Variants in SGCA observed in about 807,000 individuals in gnomAD.
The protein encoded by SGCA is alpha-sarcoglycan.
A neutral mutation model predicts 38.1 loss-of-function variants in SGCA; 34 were observed. That is an observed-to-expected ratio of 0.89 (90% CI 0.68 to 1.19). The LOEUF is 1.19. Ranked by LOEUF, SGCA falls within the 50% of genes most tolerant of loss-of-function variation. The pLI, the probability that SGCA is intolerant of heterozygous loss-of-function variation, is 0.00. For synonymous variants in SGCA, 209 were observed against 214.6 expected, an observed-to-expected ratio of 0.97 and a Z score of 0.23; for missense variants, 476 against 524.9, an observed-to-expected ratio of 0.91 and a Z score of 0.91.
In SGCA at chr17:50,168,455, G is replaced by A. The variant is rs558473298; in HGVS notation, c.467G>A (p.Arg156His). 4.2e-5 allele frequency: 66 copies of A among 1,587,236 alleles called. No individual in the cohort carries two copies. Among genetic ancestry groups the A allele is most frequent in the Non-Finnish European group, 5.1e-5 (60 of 1,166,536 alleles). Reference sequence around the variant, plus strand: ...GTGCTGCCCTCAACACCTGCCAGCCGCTTCCTCTCAGCCTTGGGGGGACTC... The same window carrying A: ...GTGCTGCCCTCAACACCTGCCAGCCACTTCCTCTCAGCCTTGGGGGGACTC... ...EEVLPSTPAS[R>H]FLSALGGLWE... The change falls in exon 5 of 10, where the codon CGC becomes CAC. Residue 156 changes from arginine (R) to histidine (H), a missense_variant. Arg to His is a conservative substitution (Grantham distance 29). Coordinates refer to ENST00000262018, the MANE Select transcript of SGCA (RefSeq NM_000023.4).
chr17:50,170,374 G>A (rs745983208), intron 7 of SGCA, 23 bp downstream of exon 7: 4 of 1,604,968 alleles, frequency 2.5e-6, no homozygotes, highest in Non-Finnish European at 3.4e-6. Flanking sequence ...ATGAAGGGCG[G>A]GGGAGCACCT....
In SGCA at chr17:50,170,330, T is replaced by C. The variant is rs1467762844; in HGVS notation, c.935T>C (p.Met312Thr). 2.5e-6 allele frequency: 4 copies of C among 1,613,688 alleles called. No homozygotes were observed. Among genetic ancestry groups the C allele is most frequent in the Non-Finnish European group, 3.4e-6 (4 of 1,179,658 alleles). ...LLLTLLLAYV[M>T]CCRREGRLKR... ...CTCACCTTGCTGCTGGCCTATGTCATGTGCTGCCGGCGGGAGGGAAGGTGA... is the reference window on the plus strand; with the variant it reads ...CTCACCTTGCTGCTGGCCTATGTCACGTGCTGCCGGCGGGAGGGAAGGTGA... Residue 312 changes from methionine to threonine, a missense_variant, in exon 7 of 10, where the codon ATG (methionine) becomes ACG (threonine). Met to Thr is a moderately conservative substitution (Grantham distance 81). Transcript: ENST00000262018.
intron 6 of SGCA, 100 bp downstream of exon 6, chr17:50,169,354 C>A (rs1239994752): frequency 9.7e-7 from 1 of 1,031,544 alleles, no homozygotes; most frequent in Non-Finnish European, 1.4e-6. Context: ...TCTCTGATTG[C>A]TCCAGTCACC....
Position 50,168,505 on chromosome 17 carries a change from C to A in SGCA, c.517C>A (p.Leu173Ile). Residue 173 changes from leucine to isoleucine, a missense_variant, in exon 5 of 10, where the codon CTC becomes ATC. Transcript: ENST00000262018. ...CTGGGAGCCCGGAGAGCTTCAGCTG[C>A]TCAACGTCACCTCTGCCTTGGACCG... ...GLWEPGELQL[L>I]NVTSALDRGG... 6.3e-7 allele frequency: 1 copy of A among 1,579,626 alleles called. No homozygotes were observed. The highest frequency in any genetic ancestry group is 8.6e-7 in the Non-Finnish European group (1 of 1,162,278).
Position 50,170,251 on chromosome 17 carries a change from T to C in SGCA, c.856T>C (p.Phe286Leu), listed in dbSNP as rs1282804829. Residue 286 changes from phenylalanine (F) to leucine (L), a missense_variant, in exon 7 of 10, where the codon TTC becomes CTC. Transcript: ENST00000262018. ...CPPTEAPDRD[F>L]LVDALVTLLV... ...ACCCACTGAGGCCCCAGACCGTGAC[T>C]TCTTGGTGGATGCTCTGGTCACCCT... is the stretch of plus-strand genomic sequence containing the variant. The C allele has an allele frequency of 1.2e-6, 2 of 1,614,152 alleles. No homozygotes were observed. The highest frequency in any genetic ancestry group is 2.2e-5 in the East Asian group (1 of 44,876).
At chr17:50,169,444 C>CACAT in intron 6 of SGCA, 190 bp downstream of exon 6, 1 of 591,672 alleles carries the variant, frequency 1.7e-6, no homozygotes. Context: ...CACACACACA[C>CACAT]ACCCCTGAAG....
At position 50,170,188 on chromosome 17, in the gene SGCA, G is replaced by A. The variant is rs1905255791; in HGVS notation, c.793G>A (p.Gly265Ser). 6.2e-7 allele frequency: 1 copy of A among 1,614,036 alleles called. No individual in the cohort carries two copies. The highest frequency in any genetic ancestry group is 1.3e-5 in the African/African-American group (1 of 74,920). The stretch of plus-strand genomic sequence containing the variant: ...GCCTGCAGATGAGGTGCCCACCCCA[G>A]GTGATGGGATCCTGGAGCATGACCC... ...PEPADEVPTPGDGILEHDPFF... is the reference protein window; with the variant it reads ...PEPADEVPTPSDGILEHDPFF... The change falls in exon 7 of 10, where the codon GGT becomes AGT. Residue 265 changes from glycine to serine, a missense_variant. Coordinates refer to ENST00000262018, the MANE Select transcript of SGCA (RefSeq NM_000023.4).
At chr17:50,168,720 C>G in intron 5 of SGCA, 148 bp downstream of exon 5, 1 of 752,202 alleles carries the variant, frequency 1.3e-6, no homozygotes, top group Non-Finnish European at 2.3e-6. Context: ...TCTCCTCTGG[C>G]TATACCCGCA....
rs1904963306 is a variant in SGCA at position 50,167,199 on chromosome 17, C to T, written c.38-169C>T. Among the ~76,000 whole-genome samples the T allele has an allele frequency of 6.6e-6, 1 of 152,124 alleles. No individual in the cohort carries two copies. The highest frequency in any genetic ancestry group is 1.5e-5 in the Non-Finnish European group (1 of 68,022). On this transcript the variant is annotated intron_variant, in intron 1 of 9. Transcript: ENST00000262018. The surrounding 1 kb of genome is among the most constrained non-coding windows in gnomAD (Gnocchi z 4.5). ...ACCCAGACGATTAAAATGTCTAGCC[C>T]AGCAGGGCTTGCTCCCCCATCCCCA...
In SGCA at chr17:50,170,355, A is replaced by C; in HGVS notation, c.956+4A>C. 6.2e-7 allele frequency: 1 copy of C among 1,612,826 alleles called. No individual in the cohort carries two copies. The highest frequency in any genetic ancestry group is 8.5e-7 in the Non-Finnish European group (1 of 1,179,010). On this transcript the variant is annotated splice_donor_region_variant and intron_variant, in intron 7 of 9. Coordinates refer to ENST00000262018, the MANE Select transcript of SGCA (RefSeq NM_000023.4). ...TGTGCTGCCGGCGGGAGGGAAGGTG[A>C]ATGTGGGCATGAAGGGCGGGGGAGC...
intron 8 of SGCA, chr17:50,171,363 T>C: frequency 2.7e-6 from 1 of 374,176 alleles, no homozygotes; most frequent in South Asian, 2.0e-5. Flanking sequence ...GCCTTACCCC[T>C]CCTATGTGCC....
At chr17:50,170,443 C>CA in intron 7 of SGCA, 92 bp downstream of exon 7, 2 of 1,409,202 alleles carry the variant, frequency 1.4e-6, no homozygotes, top group East Asian at 4.6e-5. Flanking sequence ...GACCCAGACA[C>CA]CATGGGAATG....
At chr17:50,170,896 C>A (rs1338261855) in intron 8 of SGCA, among the ~76,000 whole-genome samples, 1 of 151,406 alleles carries the variant, frequency 6.6e-6, no homozygotes, top group East Asian at 1.9e-4. Flanking sequence ...CCCATCTCAA[C>A]AAAAAAAAAA....
chr17:50,172,233 T>C (rs1298086474), intron 8 of SGCA: 1 of 457,016 alleles, frequency 2.2e-6, no homozygotes. Flanking sequence ...CTCCACAGAC[T>C]TGTGCTCTTG....
rs570716848 is a variant in SGCA, at chr17:50,166,263, C to T, written c.37+186C>T. On this transcript the variant is annotated intron_variant, in intron 1 of 9. Coordinates refer to ENST00000262018, the MANE Select transcript of SGCA (RefSeq NM_000023.4). ...CCAGGGAATGGGGCTGGGAGCTGGG[C>T]TCTGGGATGAAGGGGCTGGGAGCTC... is the stretch of plus-strand genomic sequence containing the variant. The T allele has an allele frequency of 3.2e-5, 20 of 633,396 alleles. No homozygotes were observed. The African/African-American group carries it at 3.7e-4, about 12-fold the overall frequency. 39.2% of individuals were successfully genotyped at this position (633,396 alleles called of 1,614,324 possible). A position where few individuals can be genotyped will look rare whatever the true frequency, so the allele number is the denominator to read the frequency against.
intron 8 of SGCA, among the ~76,000 whole-genome samples, chr17:50,173,171 CGTT>C (rs1237036870): frequency 6.6e-6 from 1 of 152,194 alleles, no homozygotes; most frequent in Admixed American, 6.5e-5. Context: ...TTGGATTTCA[CGTT>C]GATGTATTTC....
intron 7 of SGCA, 33 bp from the exon 8 acceptor site, chr17:50,170,607 G>C (rs753750830): frequency 6.4e-7 from 1 of 1,556,392 alleles, no homozygotes; most frequent in Non-Finnish European, 8.7e-7. Context: ...GAAACCCAGA[G>C]CTGGGCTAAC....
intron 8 of SGCA, among the ~76,000 whole-genome samples, chr17:50,174,156 CA>C (rs1393705839): frequency 6.6e-6 from 1 of 151,650 alleles, no homozygotes; most frequent in African/African-American, 2.4e-5. Flanking sequence ...CCTGTCTCTA[CA>C]AAAAAAATTT....
chr17:50,169,064 G>T (rs1294500110), intron 5 of SGCA, 28 bp from the exon 6 acceptor site: 4 of 1,612,124 alleles, frequency 2.5e-6, no homozygotes, highest in Non-Finnish European at 3.4e-6. Flanking sequence ...CCCCCACTCT[G>T]CTGACAGTGA....
Sources: allele counts gnomAD v4.1 joint callset (sites outside exome capture counted in the v4.1 genomes callset), GRCh38; gene constraint gnomAD v4.1.1; non-coding constraint Gnocchi (gnomAD v3.1); transcripts MANE v1.5; gene names NCBI Gene and HGNC (gene_info 2026-07-23, HGNC 2026-07-21).